The following CARD14 variants were observed in gnomAD, a reference collection of about 807,000 sequenced individuals.
CARD14 encodes caspase recruitment domain-containing protein 14.
CARD14 carries 107 observed loss-of-function variants against 111.5 expected under a neutral mutation model. That is an observed-to-expected ratio of 0.96 (90% CI 0.82 to 1.13). The LOEUF (loss-of-function observed/expected upper bound fraction) is 1.13, where lower values mean the gene tolerates loss of function less well. Ranked by LOEUF, CARD14 falls within the 50% of genes most tolerant of loss-of-function variation. The pLI, the probability that CARD14 is intolerant of heterozygous loss-of-function variation, is 0.00. For synonymous variants in CARD14, 617 were observed against 579.6 expected, an observed-to-expected ratio of 1.06 and a Z score of -0.93; for missense variants, 1,322 against 1,362.3, an observed-to-expected ratio of 0.97 and a Z score of 0.47.
chr17:80,190,376 G>T (rs1193865565), intron 9 of CARD14, among the ~76,000 whole-genome samples: 1 of 152,146 alleles, frequency 6.6e-6, no homozygotes. Flanking sequence ...ACTTTGGAAG[G>T]CCGAGGCAGG....
In CARD14 at chr17:80,189,885, C is replaced by T; in HGVS notation, c.963+13C>T. 6.3e-7 allele frequency: 1 copy of T among 1,591,024 alleles called. No individual in the cohort carries two copies. The highest frequency in any genetic ancestry group is 1.1e-5 in the South Asian group (1 of 88,654). ...GCAGCGAGAGCAGGTGCCGTGTGAGCCCTTCCTCCCTTGTGACTCTCCTGG... is the reference window on the plus strand; with the variant it reads ...GCAGCGAGAGCAGGTGCCGTGTGAGTCCTTCCTCCCTTGTGACTCTCCTGG... On this transcript the variant is annotated intron_variant, in intron 9 of 23. Transcript: ENST00000648509. The surrounding 1 kb of genome is among the most constrained non-coding windows in gnomAD (Gnocchi z 4.7).
Position 80,188,237 on chromosome 17 carries a change from C to T in CARD14, c.676-140C>T. 4 of 838,004 alleles carry T rather than the reference C, an allele frequency of 4.8e-6. No homozygotes were observed. Among genetic ancestry groups the T allele is most frequent in the South Asian group, 2.3e-5 (1 of 43,806 alleles). 51.9% of individuals were successfully genotyped at this position (838,004 alleles called of 1,614,324 possible). On this transcript the variant is annotated intron_variant, in intron 7 of 23. Transcript: ENST00000648509. This position sits in a 1 kb window ranked among gnomAD's most constrained non-coding sequence, Gnocchi z 4.5. Reference sequence around the variant, plus strand: ...GGACTATTCATTAGGTGAACCCTTTCGTGGGTTTTTCAGTCTCGAGGCAGG... The same window carrying T: ...GGACTATTCATTAGGTGAACCCTTTTGTGGGTTTTTCAGTCTCGAGGCAGG...
intron 9 of CARD14, 144 bp from the exon 10 acceptor site, chr17:80,190,626 AAAAG>A (rs1465421444): frequency 1.2e-4 from 98 of 840,230 alleles, no homozygotes; most frequent in Middle Eastern, 5.5e-4. Flanking sequence ...AAAAAAAAAA[AAAAG>A]AGAGAGAGAG....
intron 11 of CARD14, chr17:80,192,071 C>T (rs940872903): frequency 6.4e-6 from 1 of 156,320 alleles, no homozygotes; most frequent in African/African-American, 2.4e-5. Context: ...ACGGTGGAAA[C>T]ACACGTGTGC....
At chr17:80,204,788 T>G in intron 20 of CARD14, 2 of 482,542 alleles carry the variant, frequency 4.1e-6, no homozygotes, top group Non-Finnish European at 3.7e-6. Context: ...GGAAACAGGA[T>G]TAAGTTGCAG....
In CARD14 at chr17:80,195,041, G is replaced by A. The variant is rs554517741; in HGVS notation, c.1357-150G>A. 69 of 938,258 alleles carry A rather than the reference G, an allele frequency of 7.4e-5. 1 individual carries two copies. The highest frequency in any genetic ancestry group is 6.0e-4 in the South Asian group (34 of 56,550). 58.1% of individuals were successfully genotyped at this position (938,258 alleles called of 1,614,324 possible). A position where few individuals can be genotyped will look rare whatever the true frequency, so the allele number is the denominator to read the frequency against. ...GTCTGGCATACAGCAGGTGCTCAGCGCATGTGACCCCATGTGTGTCCTTCT... is the reference window on the plus strand; with the variant it reads ...GTCTGGCATACAGCAGGTGCTCAGCACATGTGACCCCATGTGTGTCCTTCT... On this transcript the variant is annotated intron_variant, in intron 12 of 23. Coordinates refer to ENST00000648509, the MANE Select transcript of CARD14 (RefSeq NM_001366385.1). The surrounding 1 kb of genome is among the most constrained non-coding windows in gnomAD (Gnocchi z 4.7).
At chr17:80,207,152 C>A in intron 23 of CARD14, 67 bp downstream of exon 23, 1 of 1,156,808 alleles carries the variant, frequency 8.6e-7, no homozygotes, top group Non-Finnish European at 1.3e-6. Context: ...AAGCCCACGG[C>A]AGGTGCCTCT....
Position 80,205,207 on chromosome 17 carries a change from T to A in CARD14, c.2569+2T>A, listed in dbSNP as rs746981190. On this transcript the variant is annotated splice_donor_variant, in intron 21 of 23. Coordinates refer to ENST00000648509, the MANE Select transcript of CARD14 (RefSeq NM_001366385.1). LOFTEE classifies it high-confidence loss of function. ...AAGGGTTTAAGAAGTGCCTGGCAGGTATGCTGTTGCCTGGGAATCCCTCTA... is the reference window on the plus strand; with the variant it reads ...AAGGGTTTAAGAAGTGCCTGGCAGGAATGCTGTTGCCTGGGAATCCCTCTA... 11 of 1,609,194 alleles carry A rather than the reference T, an allele frequency of 6.8e-6. No homozygotes were observed. The African/African-American group carries it at 1.5e-4, about 22-fold the overall frequency.
chr17:80,181,941 A>G lies in CARD14; in HGVS notation c.211+292A>G, dbSNP rs191141908. ...ACAGCTGTCTTTGGAGTCCATTCTG[A>G]TGGTCTGACTAGTGTTTATTCATTA... On this transcript the variant is annotated intron_variant, in intron 5 of 23. Coordinates refer to ENST00000648509, the MANE Select transcript of CARD14 (RefSeq NM_001366385.1). Among the ~76,000 whole-genome samples, 830 of 152,262 alleles carry G rather than the reference A, an allele frequency of 5.5e-3. 5 individuals are homozygous for G. The highest frequency in any genetic ancestry group is 8.5e-3 in the Non-Finnish European group (575 of 68,014).
Position 80,198,685 on chromosome 17 carries a change from C to G in CARD14, c.1851+94C>G. The G allele has an allele frequency of 6.2e-7, 1 of 1,604,838 alleles. No individual in the cohort carries two copies. The highest frequency in any genetic ancestry group is 1.3e-5 in the African/African-American group (1 of 75,004). ...CCAGGCAGACTTCACCTCCCCCAGA[C>G]GATGCAGATCCACTCTGGGCTGGGC... On this transcript the variant is annotated intron_variant, in intron 16 of 23. Transcript: ENST00000648509. This position sits in a 1 kb window ranked among gnomAD's most constrained non-coding sequence, Gnocchi z 7.5.
chr17:80,195,178 C>T lies in CARD14; in HGVS notation c.1357-13C>T. The T allele has an allele frequency of 6.3e-7, 1 of 1,590,488 alleles. No homozygotes were observed. Among genetic ancestry groups the T allele is most frequent in the South Asian group, 1.1e-5 (1 of 90,018 alleles). On this transcript the variant is annotated splice_polypyrimidine_tract_variant and intron_variant, in intron 12 of 23. Transcript: ENST00000648509. The surrounding 1 kb of genome is among the most constrained non-coding windows in gnomAD (Gnocchi z 4.7). ...CGTGCGTGCCCCACTGACTTCTGCCCTCCCTCCTCCAGTCTCAGCTCTTGT... is the reference window on the plus strand; with the variant it reads ...CGTGCGTGCCCCACTGACTTCTGCCTTCCCTCCTCCAGTCTCAGCTCTTGT...
chr17:80,195,641 T>C lies in CARD14; in HGVS notation c.1583T>C (p.Leu528Pro). 6.2e-7 allele frequency: 1 copy of C among 1,613,098 alleles called. No homozygotes were observed. Among genetic ancestry groups the C allele is most frequent in the Non-Finnish European group, 8.5e-7 (1 of 1,179,652 alleles). Residue 528 changes from leucine to proline, a missense_variant, in exon 14 of 24, where the codon CTA becomes CCA. Transcript: ENST00000648509. The surrounding 1 kb of genome is among the most constrained non-coding windows in gnomAD (Gnocchi z 4.7). ...AGDPHLDYEL[L>P]DTADLPQLES... ...GACCCACACCTGGATTATGAGCTCC[T>C]AGACACGGCAGGTGAGCACGCCCAA...
chr17:80,189,365 A>G lies in CARD14; in HGVS notation c.844-388A>G, dbSNP rs1285918881. On this transcript the variant is annotated intron_variant, in intron 8 of 23. Transcript: ENST00000648509. The surrounding 1 kb of genome is among the most constrained non-coding windows in gnomAD (Gnocchi z 4.7). Reference sequence around the variant, plus strand: ...ATTCACTGGGCCCAGGGCACTGGCCATCTTGCAGCCCGGATTGTGTCTCTG... The same window carrying G: ...ATTCACTGGGCCCAGGGCACTGGCCGTCTTGCAGCCCGGATTGTGTCTCTG... Among the ~76,000 whole-genome samples the G allele has an allele frequency of 6.6e-6, 1 of 152,156 alleles. No homozygotes were observed. Among genetic ancestry groups the G allele is most frequent in the Non-Finnish European group, 1.5e-5 (1 of 68,026 alleles).
rs2144437012 is a variant in CARD14, at chr17:80,201,924, CT to C, written c.1978+56del. On this transcript the variant is annotated intron_variant, in intron 17 of 23. Coordinates refer to ENST00000648509, the MANE Select transcript of CARD14 (RefSeq NM_001366385.1). The surrounding 1 kb of genome is among the most constrained non-coding windows in gnomAD (Gnocchi z 5.0). ...AGCTGCCTGGCCAGACTCCATGACCCTTAAGTCCCTGGTGGTTCTTCTGCAC... is the reference window on the plus strand; with the variant it reads ...AGCTGCCTGGCCAGACTCCATGACCCTAAGTCCCTGGTGGTTCTTCTGCAC... The C allele has an allele frequency of 2.6e-6, 4 of 1,551,492 alleles. No homozygotes were observed. The Admixed American group carries it at 5.7e-5, about 22-fold the overall frequency.
intron 7 of CARD14, among the ~76,000 whole-genome samples, chr17:80,185,426 T>C (rs1169612313): frequency 6.6e-6 from 1 of 152,220 alleles, no homozygotes; most frequent in East Asian, 1.9e-4. Flanking sequence ...ATTCCAAATA[T>C]ATATTTTTAA....
intron 4 of CARD14, among the ~76,000 whole-genome samples, chr17:80,180,093 T>G (rs1185560756): frequency 6.6e-6 from 1 of 152,198 alleles, no homozygotes; most frequent in Non-Finnish European, 1.5e-5. Context: ...GGCCTCATGT[T>G]GATGCCAGAG....
At chr17:80,181,747 T>C in intron 5 of CARD14, 98 bp downstream of exon 5, 4 of 1,142,084 alleles carry the variant, frequency 3.5e-6, no homozygotes, top group Non-Finnish European at 4.8e-6. Context: ...TCTCGTCCTG[T>C]CTCTTATAAA....
At position 80,191,394 on chromosome 17, in the gene CARD14, G is replaced by T; in HGVS notation, c.1161G>T (p.Arg387Ser). The part of the protein sequence containing the change: ...QSLVEKDSLR[R>S]QVFELTDQVC... The stretch of plus-strand genomic sequence containing the variant: ...TGGTGGAGAAGGACTCCCTCCGCAG[G>T]CAGGTGTTCGAGCTGACGGACCAGG... Residue 387 changes from arginine to serine, a missense_variant, in exon 11 of 24, where the codon AGG (arginine) becomes AGT (serine). Arg to Ser is a moderately radical substitution (Grantham distance 110). Coordinates refer to ENST00000648509, the MANE Select transcript of CARD14 (RefSeq NM_001366385.1). The T allele has an allele frequency of 6.2e-7, 1 of 1,613,928 alleles. No homozygotes were observed.
rs2040950972 is a variant in CARD14 at position 80,201,117 on chromosome 17, C to T, written c.1852-627C>T. On this transcript the variant is annotated intron_variant, in intron 16 of 23. Coordinates refer to ENST00000648509, the MANE Select transcript of CARD14 (RefSeq NM_001366385.1). This position sits in a 1 kb window ranked among gnomAD's most constrained non-coding sequence, Gnocchi z 5.0. ...AGCAACAGAGCCCCTTGACGATGTT[C>T]AGGGAGATAGTCCCGATATCCTAAG... 1 of 153,160 alleles carries T rather than the reference C, an allele frequency of 6.5e-6. No individual in the cohort carries two copies. Among genetic ancestry groups the T allele is most frequent in the Non-Finnish European group, 1.5e-5 (1 of 68,752 alleles). The allele number at this position is 153,160 out of a possible 1,614,324, so 9.5% of individuals were successfully genotyped here.
Sources: gnomAD v4.1 joint callset for allele counts (sites outside exome capture counted in the v4.1 genomes callset) on GRCh38, gnomAD v4.1.1 for gene constraint, Gnocchi (gnomAD v3.1) non-coding constraint, MANE v1.5 for transcripts, NCBI Gene and HGNC (gene_info 2026-07-23, HGNC 2026-07-21) for gene names.